PDLIM2: variants seen among roughly 807,000 people sequenced by gnomAD.
PDLIM2 encodes PDZ and LIM domain protein 2.
In PDLIM2, 51 loss-of-function variants were observed where a neutral mutation model predicts 54.1. The ratio of observed to expected loss-of-function variants is 0.94; its 90% CI spans 0.75 to 1.19. PDLIM2 has a LOEUF of 1.19. Among genes scored for constraint, PDLIM2 ranks in the 50% most tolerant of loss-of-function variants. The probability of loss-of-function intolerance (pLI) is 0.00; values close to 1 mark genes in which losing one functional copy is unlikely to be tolerated. For synonymous variants in PDLIM2, 398 were observed against 385.6 expected (o/e 1.03, Z -0.38); for missense variants, 912 against 874.0 (o/e 1.04, Z -0.55).
exon 5 of PDLIM2, chr8:22,585,051 C>A (rs775146985): frequency 6.8e-6 from 11 of 1,613,916 alleles, no homozygotes; most frequent in Admixed American, 1.7e-5. Context: ...AGTCAGTCCT[C>A]CTTAAGGTCC....
chr8:22,582,262 C>T (rs142802144), intron 3 of PDLIM2, among the ~76,000 whole-genome samples: 58 of 152,354 alleles, frequency 3.8e-4, no homozygotes, highest in Non-Finnish European at 5.4e-4. Flanking sequence ...CTGCTCTCTT[C>T]AGCCCTACCA....
intron 8 of PDLIM2, chr8:22,590,128 G>A (rs1315957007): frequency 5.2e-6 from 1 of 193,916 alleles, no homozygotes; most frequent in Admixed American, 6.0e-5. Flanking sequence ...AGGGTGGCAG[G>A]AAGCACTGTG....
intron 3 of PDLIM2, among the ~76,000 whole-genome samples, chr8:22,582,578 ATT>A (rs778664391): frequency 0.078 from 9,775 of 125,670 alleles, 289 homozygotes; most frequent in Non-Finnish European, 0.1. Context: ...CAGTCTCTTA[ATT>A]TTTTTTTTTT....
At chr8:22,592,238 C>G (rs1214809281) in intron 9 of PDLIM2, 2 of 152,078 alleles carry the variant, frequency 1.3e-5, no homozygotes, top group Non-Finnish European at 2.9e-5. Context: ...CCCGCCACCA[C>G]TCCCAGCTAA....
downstream of PDLIM2, chr8:22,596,260 A>T (rs1800682632): frequency 1.3e-5 from 2 of 152,236 alleles, no homozygotes; most frequent in Admixed American, 6.5e-5. Flanking sequence ...ATGTGAAATG[A>T]TGGGCATTCC....
chr8:22,591,546 C>T lies in PDLIM2; in HGVS notation c.1514-5C>T, dbSNP rs1800547106. On this transcript the variant is annotated splice_region_variant and splice_polypyrimidine_tract_variant and intron_variant, in intron 8 of 9. Coordinates refer to ENST00000308354, the Ensembl canonical transcript of PDLIM2. ...TCACCACATGTCTGTCTGCCCTGCC[C>T]CCAGGTGGCACGCCAGCCTTCTTGC... The T allele has an allele frequency of 1.2e-6, 2 of 1,612,976 alleles. No homozygotes were observed. Among genetic ancestry groups the T allele is most frequent in the Non-Finnish European group, 1.7e-6 (2 of 1,179,364 alleles).
intron 2 of PDLIM2, chr8:22,581,127 C>T: frequency 1.5e-6 from 1 of 672,636 alleles, no homozygotes; most frequent in Non-Finnish European, 2.8e-6. Context: ...TTTCCAAGCA[C>T]AGTTCCTGAA....
At chr8:22,594,164 C>T (rs1367980617) in exon 10 of PDLIM2, 1 of 1,415,532 alleles carries the variant, frequency 7.1e-7, no homozygotes, top group Non-Finnish European at 9.2e-7. Context: ...CTTTGATCAA[C>T]CTTTGTGTGC....
At chr8:22,593,943 G>C (rs1263726310) in exon 10 of PDLIM2, 1 of 1,541,672 alleles carries the variant, frequency 6.5e-7, no homozygotes, top group African/African-American at 1.4e-5. Context: ...CTCACTGCTG[G>C]GCCAGGGTCA....
chr8:22,586,505 G>A (rs1800385839), intron 6 of PDLIM2, among the ~76,000 whole-genome samples: 1 of 152,182 alleles, frequency 6.6e-6, no homozygotes, highest in African/African-American at 2.4e-5. Context: ...AGAGGTGGTG[G>A]TGAGAGGGTT....
exon 10 of PDLIM2, chr8:22,593,973 G>C: frequency 6.6e-7 from 1 of 1,509,976 alleles, no homozygotes; most frequent in Non-Finnish European, 8.9e-7. Context: ...AAGTTGGCAT[G>C]GCAGGGACAA....
chr8:22,594,345 C>T (rs1427811928), downstream of PDLIM2: 9 of 1,461,294 alleles, frequency 6.2e-6, no homozygotes, highest in Non-Finnish European at 8.1e-6. Flanking sequence ...CTGGGTATGA[C>T]CTGCTCCCAC....
intron 1 of PDLIM2, chr8:22,579,684 C>A: frequency 1.1e-6 from 1 of 899,314 alleles, no homozygotes; most frequent in Non-Finnish European, 1.5e-6. Flanking sequence ...CACTTGCGTC[C>A]CCAGGGCAGC....
At chr8:22,589,209 G>A (rs1035214875) in intron 6 of PDLIM2, 89 bp from the exon 6 acceptor site, 21 of 1,417,574 alleles carry the variant, frequency 1.5e-5, no homozygotes, top group East Asian at 5.0e-5. Context: ...CCCTGGTGTC[G>A]GGCCTGGGAA....
intron 3 of PDLIM2, among the ~76,000 whole-genome samples, chr8:22,582,905 G>GCC (rs1182002845): frequency 7.7e-4 from 42 of 54,380 alleles, no homozygotes; most frequent in Admixed American, 1.3e-3. Flanking sequence ...CTGACGTGAT[G>GCC]CCCACCCCCC....
At chr8:22,589,166 C>T in intron 6 of PDLIM2, 132 bp from the exon 6 acceptor site, 2 of 843,072 alleles carry the variant, frequency 2.4e-6, no homozygotes, top group South Asian at 3.1e-5. Context: ...AGGGAAGGGG[C>T]AGGGGTCCGC....
chr8:22,597,347 CT>C (rs972521924), downstream of PDLIM2: 12 of 152,342 alleles, frequency 7.9e-5, no homozygotes, highest in African/African-American at 2.7e-4. Flanking sequence ...CATCCCCCTA[CT>C]TTGGGTGTTG....
rs1472078157 is a variant in PDLIM2, at chr8:22,585,288, C to T, written c.1212-33C>T. 1.9e-6 allele frequency: 3 copies of T among 1,610,076 alleles called. No homozygotes were observed. In the African/African-American group the frequency reaches 4.0e-5, roughly 22 times the overall value. Reference sequence around the variant, plus strand: ...TCCTCCCTGGGCAGGCTGGGGGTGGCCCTGGCACACACTGTCCCTTTCCCA... The same window carrying T: ...TCCTCCCTGGGCAGGCTGGGGGTGGTCCTGGCACACACTGTCCCTTTCCCA... On this transcript the variant is annotated intron_variant, in intron 5 of 9. Transcript: ENST00000308354.
exon 7 of PDLIM2, chr8:22,589,324 G>C (rs536705540): frequency 1.3e-6 from 2 of 1,534,266 alleles, no homozygotes; most frequent in African/African-American, 1.4e-5. Flanking sequence ...CTGGCGACTC[G>C]GCGGTGCTGG....
Sources: gnomAD v4.1 joint callset for allele counts (sites outside exome capture counted in the v4.1 genomes callset) on GRCh38, gnomAD v4.1.1 for gene constraint, MANE v1.5 for transcripts, NCBI Gene and HGNC (gene_info 2026-07-23, HGNC 2026-07-21) for gene names.